The following HBD variants were observed in gnomAD, a reference collection of about 807,000 sequenced individuals.
HBD encodes the protein delta globin.
HBD carries 11 observed loss-of-function variants against 9.2 expected under a neutral mutation model. The observed-to-expected ratio is 1.20, with a 90% confidence interval of 0.76 to 1.99. HBD has a LOEUF of 1.99. Ranked by LOEUF, HBD falls within the 30% of genes most tolerant of loss-of-function variation. HBD has a pLI of 0.00. For synonymous variants in HBD, 83 were observed against 69.4 expected, an observed-to-expected ratio of 1.20 and a Z score of -0.98; for missense variants, 189 against 174.3, an observed-to-expected ratio of 1.08 and a Z score of -0.47.
chr11:5,234,229 C>T lies in HBD; in HGVS notation c.93-16G>A, dbSNP rs539587172. On this transcript the variant is annotated splice_polypyrimidine_tract_variant and intron_variant, in intron 1 of 2. Coordinates refer to ENST00000650601, the MANE Select transcript of HBD (RefSeq NM_000519.4). ...CACCAGTAATCTGAGGGTAGGAAAA[C>T]AGCCCAAGGGACAGAGAGTCAGTGC... 1.2e-6 allele frequency: 2 copies of T among 1,610,852 alleles called. No individual in the cohort carries two copies. Among genetic ancestry groups the T allele is most frequent in the South Asian group, 1.1e-5 (1 of 91,016 alleles).
At position 5,234,345 on chromosome 11, in the gene HBD, C is replaced by A. The variant is rs1289490807; in HGVS notation, c.89G>T (p.Gly30Val). 1.9e-6 allele frequency: 3 copies of A among 1,613,510 alleles called. No individual in the cohort carries two copies. Among genetic ancestry groups the A allele is most frequent in the Non-Finnish European group, 2.5e-6 (3 of 1,179,444 alleles). ...NVDAVGGEALGRLLVVYPWTQ... is the reference protein window; with the variant it reads ...NVDAVGGEALVRLLVVYPWTQ... The stretch of plus-strand genomic sequence containing the variant: ...CTCTTATAACCTTGATACCAACCTG[C>A]CCAGGGCCTCACCACCAACTGCATC... The change falls in exon 1 of 3, where the codon GGC becomes GTC. Residue 30 changes from glycine (G) to valine (V), a missense_variant. By Grantham distance (109) the Gly-to-Val change is moderately radical. Transcript: ENST00000650601.
intron 2 of HBD, among the ~76,000 whole-genome samples, chr11:5,233,439 A>C (rs1388652914): frequency 6.6e-6 from 1 of 152,196 alleles, no homozygotes; most frequent in Non-Finnish European, 1.5e-5. Context: ...TAATAGATAC[A>C]AATTAATTGA....
intron 2 of HBD, 75 bp from the exon 3 acceptor site, chr11:5,233,167 CA>C (rs1256451988): frequency 1.3e-6 from 2 of 1,539,680 alleles, no homozygotes; most frequent in African/African-American, 2.7e-5. Context: ...GAAACTGAGC[CA>C]ACACCCATTT....
At chr11:5,233,176 T>TAGAGGAAATACTTTGAGAAAGAGG in intron 2 of HBD, 84 bp from the exon 3 acceptor site, 5 of 1,468,284 alleles carry the variant, frequency 3.4e-6, no homozygotes, top group Non-Finnish European at 4.7e-6. Context: ...CCAACACCCA[T>TAGAGGAAATACTTTGAGAAAGAGG]TTTTTTCTGC....
Position 5,233,039 on chromosome 11 carries a change from G to C in HBD, c.369C>G (p.Phe123Leu), listed in dbSNP as rs1187986074. ...CVLARNFGKE[F>L]TPQMQAAYQK... ...GATAGGCAGCCTGCATTTGTGGGGTGAATTCCTTGCCAAAGTTGCGGGCCA... is the reference window on the plus strand; with the variant it reads ...GATAGGCAGCCTGCATTTGTGGGGTCAATTCCTTGCCAAAGTTGCGGGCCA... The change falls in exon 3 of 3, where the codon TTC (phenylalanine) becomes TTG (leucine). Residue 123 changes from phenylalanine (F) to leucine (L), a missense_variant. Coordinates refer to ENST00000650601, the MANE Select transcript of HBD (RefSeq NM_000519.4). 1 of 1,613,938 alleles carries C rather than the reference G, an allele frequency of 6.2e-7. No individual in the cohort carries two copies. The highest frequency in any genetic ancestry group is 1.3e-5 in the African/African-American group (1 of 74,884).
chr11:5,233,524 A>G (rs1847696643), intron 2 of HBD, among the ~76,000 whole-genome samples: 1 of 152,206 alleles, frequency 6.6e-6, no homozygotes, highest in Non-Finnish European at 1.5e-5. Context: ...CTAGTCTTTC[A>G]TAATCAAATA....
At position 5,234,072 on chromosome 11, in the gene HBD, G is replaced by A. The variant is rs2133596216; in HGVS notation, c.234C>T (p.His78=). ...AAAAAGTGCCCTTGAGGTTGTCCAGGTGAGCCAGGCCATCACTAAAGGCAC... is the reference window on the plus strand; with the variant it reads ...AAAAAGTGCCCTTGAGGTTGTCCAGATGAGCCAGGCCATCACTAAAGGCAC... ...VLGAFSDGLA[H]LDNLKGTFSQ... is the part of the protein sequence containing the mutation. The change falls in exon 2 of 3, where the codon CAC becomes CAT. Residue 78 remains histidine, a synonymous_variant. Transcript: ENST00000650601. The A allele has an allele frequency of 6.2e-7, 1 of 1,614,056 alleles. No homozygotes were observed. Among genetic ancestry groups the A allele is most frequent in the South Asian group, 1.1e-5 (1 of 91,070 alleles).
rs1272446648 is a variant in HBD at position 5,232,867 on chromosome 11, G to A, written c.*97C>T. On this transcript the variant is annotated 3_prime_UTR_variant, in exon 3 of 3. Coordinates refer to ENST00000650601, the MANE Select transcript of HBD (RefSeq NM_000519.4). ...GCTGAACATTCTTTATTAGGCAGAA[G>A]CCATACCCTTGAAGTAGGCATTGTG... 2.5e-6 allele frequency: 4 copies of A among 1,613,068 alleles called. No homozygotes were observed. Among genetic ancestry groups the A allele is most frequent in the Non-Finnish European group, 3.4e-6 (4 of 1,179,214 alleles).
intron 2 of HBD, 133 bp downstream of exon 2, chr11:5,233,849 AAAAATTAAC>A: frequency 1.4e-6 from 1 of 709,726 alleles, no homozygotes; most frequent in Non-Finnish European, 2.4e-6. Context: ...TATTTAAATA[AAAAATTAAC>A]AAAATTTTAG....
In HBD at chr11:5,233,057, G is replaced by A; in HGVS notation, c.351C>T (p.Arg117=). 6.2e-7 allele frequency: 1 copy of A among 1,614,028 alleles called. No homozygotes were observed. The highest frequency in any genetic ancestry group is 8.5e-7 in the Non-Finnish European group (1 of 1,179,964). ...LGNVLVCVLA[R]NFGKEFTPQM... ...GTGGGGTGAATTCCTTGCCAAAGTT[G>A]CGGGCCAGCACACACACCAGCACAT... The change falls in exon 3 of 3, where the codon CGC becomes CGT. Residue 117 remains arginine (R), a synonymous_variant. Transcript: ENST00000650601.
chr11:5,234,034 T>A lies in HBD; in HGVS notation c.272A>T (p.Glu91Val), dbSNP rs34420481. The change falls in exon 2 of 3, where the codon GAG becomes GTG. Residue 91 changes from glutamate to valine, a missense_variant. Glu to Val is a moderately radical substitution (Grantham distance 121, BLOSUM62 -2). Transcript: ENST00000650601. ...NLKGTFSQLSELHCDKLHVDP... is the reference protein window; with the variant it reads ...NLKGTFSQLSVLHCDKLHVDP... ...CACGTGCAGCTTGTCACAGTGCAGC[T>A]CACTCAGCTGAGAAAAAGTGCCCTT... The A allele has an allele frequency of 6.2e-7, 1 of 1,614,016 alleles. No homozygotes were observed. Among genetic ancestry groups the A allele is most frequent in the Non-Finnish European group, 8.5e-7 (1 of 1,180,014 alleles).
In HBD at chr11:5,234,038, T is replaced by C. The variant is rs1217423944; in HGVS notation, c.268A>G (p.Ser90Gly). Residue 90 changes from serine (S) to glycine (G), a missense_variant, in exon 2 of 3, where the codon AGT (serine) becomes GGT (glycine). Transcript: ENST00000650601. ...TGCAGCTTGTCACAGTGCAGCTCAC[T>C]CAGCTGAGAAAAAGTGCCCTTGAGG... is the stretch of plus-strand genomic sequence containing the variant. The part of the protein sequence containing the change: ...DNLKGTFSQL[S>G]ELHCDKLHVD... 1.2e-6 allele frequency: 2 copies of C among 1,613,984 alleles called. 1 individual carries two copies. Among genetic ancestry groups the C allele is most frequent in the South Asian group, 2.2e-5 (2 of 91,076 alleles).
chr11:5,233,199 CA>C (rs1304347501), intron 2 of HBD, 107 bp from the exon 3 acceptor site: 2 of 1,063,334 alleles, frequency 1.9e-6, no homozygotes, highest in Non-Finnish European at 2.9e-6. Context: ...AAATCTTAGA[CA>C]AAACTGATCC....
In HBD at chr11:5,233,168, A is replaced by G. The variant is rs200027473; in HGVS notation, c.316-76T>C. ...AGACTGGCTTCTGAGAAACTGAGCC[A>G]ACACCCATTTTTTTCTGCCCAAATC... On this transcript the variant is annotated intron_variant, in intron 2 of 2. Coordinates refer to ENST00000650601, the MANE Select transcript of HBD (RefSeq NM_000519.4). 347 of 1,540,752 alleles carry G rather than the reference A, an allele frequency of 2.3e-4. 1 individual carries two copies. In the East Asian group the frequency reaches 7.4e-3, roughly 33 times the overall value.
chr11:5,234,468 T>A lies in HBD; in HGVS notation c.-35A>T. The A allele has an allele frequency of 6.7e-7, 1 of 1,482,562 alleles. No individual in the cohort carries two copies. The highest frequency in any genetic ancestry group is 9.4e-7 in the Non-Finnish European group (1 of 1,059,990). 91.8% of individuals were successfully genotyped at this position (1,482,562 alleles called of 1,614,324 possible). A position where few individuals can be genotyped will look rare whatever the true frequency, so the allele number is the denominator to read the frequency against. ...TTGAGGTTGCTAGTGAACACTGTTA[T>A]GTCAGAAGAAAGTGTAAGCAACAGT... On this transcript the variant is annotated 5_prime_UTR_variant, in exon 1 of 3. Coordinates refer to ENST00000650601, the MANE Select transcript of HBD (RefSeq NM_000519.4).
chr11:5,233,872 C>G (rs1041718543), intron 2 of HBD, 119 bp downstream of exon 2: 1 of 795,374 alleles, frequency 1.3e-6, no homozygotes, highest in South Asian at 1.6e-5. Flanking sequence ...ATTTTAGAAG[C>G]ATTAAATGAT....
rs189914869 is a variant in HBD, at chr11:5,234,040, A to C, written c.266T>G (p.Leu89Arg). The C allele has an allele frequency of 1.2e-6, 2 of 1,614,122 alleles. No homozygotes were observed. Among genetic ancestry groups the C allele is most frequent in the Non-Finnish European group, 1.7e-6 (2 of 1,180,010 alleles). ...LDNLKGTFSQ[L>R]SELHCDKLHV... ...CAGCTTGTCACAGTGCAGCTCACTC[A>C]GCTGAGAAAAAGTGCCCTTGAGGTT... Residue 89 changes from leucine (L) to arginine (R), a missense_variant, in exon 2 of 3, where the codon CTG (leucine) becomes CGG (arginine). By Grantham distance (102) the Leu-to-Arg change is moderately radical. Transcript: ENST00000650601.
Position 5,233,953 on chromosome 11 carries a change from A to C in HBD, c.315+38T>G, listed in dbSNP as rs1335876769. On this transcript the variant is annotated intron_variant, in intron 2 of 2. Coordinates refer to ENST00000650601, the MANE Select transcript of HBD (RefSeq NM_000519.4). ...AAAAGAACCAAAATGTAAGATTAGA[A>C]AGTAAAAAGAGAAAAGTGAAGCATC... is the stretch of plus-strand genomic sequence containing the variant. 3 of 1,580,694 alleles carry C rather than the reference A, an allele frequency of 1.9e-6. No individual in the cohort carries two copies. In the African/African-American group the frequency reaches 4.0e-5, roughly 21 times the overall value.
rs35666685 is a variant in HBD at position 5,234,132 on chromosome 11, G to A, written c.174C>T (p.Asn58=). The change falls in exon 2 of 3, where the codon AAC becomes AAT. Residue 58 remains asparagine (N), a synonymous_variant. Transcript: ENST00000650601. Reference sequence around the variant, plus strand: ...TCTTGCCATGAGCCTTCACCTTAGGGTTGCCCATAACAGCATCAGGAGAGG... The same window carrying A: ...TCTTGCCATGAGCCTTCACCTTAGGATTGCCCATAACAGCATCAGGAGAGG... ...DLSSPDAVMG[N]PKVKAHGKKV... 1.3e-5 allele frequency: 21 copies of A among 1,613,904 alleles called. No individual in the cohort carries two copies. The African/African-American group carries it at 2.4e-4, about 18-fold the overall frequency.
Sources: allele counts gnomAD v4.1 joint callset (sites outside exome capture counted in the v4.1 genomes callset), GRCh38; gene constraint gnomAD v4.1.1; transcripts MANE v1.5; gene names NCBI Gene and HGNC (gene_info 2026-07-23, HGNC 2026-07-21).